Variants in FAT1 observed in about 807,000 individuals in gnomAD.
FAT1 encodes FAT atypical cadherin 1, also known as protocadherin Fat 1.
FAT1 carries 171 observed loss-of-function variants against 329.8 expected under a neutral mutation model. That is an observed-to-expected ratio of 0.52 (90% CI 0.46 to 0.59). FAT1 has a LOEUF of 0.59. Ranked by LOEUF, FAT1 falls within the 20% of genes least tolerant of loss-of-function variation. FAT1 has a pLI of 0.00. For missense variants in FAT1, 5,672 were observed against 5,774.4 expected, an observed-to-expected ratio of 0.98 and a Z score of 0.57; for synonymous variants, 2,233 against 2,228.6, an observed-to-expected ratio of 1.00 and a Z score of -0.06.
At chr4:186,630,423 G>A (rs1046251768) in intron 7 of FAT1, among the ~76,000 whole-genome samples, 1 of 152,172 alleles carries the variant, frequency 6.6e-6, no homozygotes, top group Non-Finnish European at 1.5e-5. Flanking sequence ...GGAGCAAGAA[G>A]AAGGCAGAGT....
At chr4:186,645,900 C>A (rs188292872) in intron 3 of FAT1, among the ~76,000 whole-genome samples, 1 of 135,716 alleles carries the variant, frequency 7.4e-6, no homozygotes, top group Non-Finnish European at 1.5e-5. Flanking sequence ...GAGCTGAGGG[C>A]GGACCACTGC....
chr4:186,681,291 T>G (rs552606712), intron 2 of FAT1, among the ~76,000 whole-genome samples: 1 of 152,208 alleles, frequency 6.6e-6, no homozygotes, highest in Non-Finnish European at 1.5e-5. Context: ...GTGGGAGATA[T>G]ATGGGTTATA....
At position 186,620,095 on chromosome 4, in the gene FAT1, A is replaced by G. The variant is rs1021861646; in HGVS notation, c.6491T>C (p.Phe2164Ser). Residue 2164 changes from phenylalanine to serine, a missense_variant, in exon 10 of 27, where the codon TTT becomes TCT. Around this residue, in one of 2 missense-constraint regions of FAT1, gnomAD observed 3,966 missense variants for 3,915.2 expected, o/e 1.01. Transcript: ENST00000441802. ...GATCGGAACGATAACTTCCGCTGAA[A>G]AGGCCGGGTTCCCTCCATCTTTTGC... is the stretch of plus-strand genomic sequence containing the variant. ...VVAKDGGNPA[F>S]SAEVIVPITV... 1.2e-6 allele frequency: 2 copies of G among 1,613,916 alleles called. No homozygotes were observed. The highest frequency in any genetic ancestry group is 3.3e-5 in the Admixed American group (2 of 60,002).
At chr4:186,609,430 T>C in intron 15 of FAT1, 110 bp from the exon 16 acceptor site, 1 of 1,306,834 alleles carries the variant, frequency 7.7e-7, no homozygotes, top group South Asian at 1.6e-5. Context: ...TGTTGTTTTT[T>C]TTTTGAGATG....
intron 2 of FAT1, among the ~76,000 whole-genome samples, chr4:186,699,808 T>TA (rs1200442450): frequency 2.0e-5 from 3 of 149,838 alleles, no homozygotes; most frequent in African/African-American, 7.4e-5. Context: ...ATCCAAAAAG[T>TA]AAAAACAATG....
intron 2 of FAT1, among the ~76,000 whole-genome samples, chr4:186,688,248 A>G (rs1457265124): frequency 2.0e-5 from 3 of 152,070 alleles, no homozygotes; most frequent in African/African-American, 4.8e-5. Flanking sequence ...AGGCACCCAC[A>G]GAGATATGGC....
chr4:186,670,951 T>G (rs1487178558), intron 2 of FAT1, among the ~76,000 whole-genome samples: 1 of 152,166 alleles, frequency 6.6e-6, no homozygotes, highest in Non-Finnish European at 1.5e-5. Context: ...ATTCTTTAAT[T>G]GTAACATCTT....
chr4:186,590,457 C>T (rs1321372903), intron 26 of FAT1: 3 of 1,206,846 alleles, frequency 2.5e-6, no homozygotes, highest in Non-Finnish European at 2.2e-6. Flanking sequence ...AAACAGTCGG[C>T]TGAAAAGGCA....
At chr4:186,616,011 C>G (rs925637698) in intron 11 of FAT1, among the ~76,000 whole-genome samples, 14 of 152,088 alleles carry the variant, frequency 9.2e-5, no homozygotes, top group African/African-American at 1.4e-4. Context: ...GGTCGCTCCC[C>G]CTACTCATGT....
At chr4:186,603,057 G>C in intron 19 of FAT1, 23 bp from the exon 20 acceptor site, 1 of 1,613,732 alleles carries the variant, frequency 6.2e-7, no homozygotes, top group South Asian at 1.1e-5. Context: ...AGGGGAGAAA[G>C]GGAAAAGATA....
intron 2 of FAT1, 34 bp from the exon 3 acceptor site, chr4:186,663,647 A>C: frequency 6.5e-7 from 1 of 1,530,128 alleles, no homozygotes; most frequent in Non-Finnish European, 8.8e-7. Context: ...AAAGCAGCAC[A>C]TCAACGACCA....
chr4:186,701,049 C>T (rs1228269332), intron 2 of FAT1, among the ~76,000 whole-genome samples: 1 of 152,188 alleles, frequency 6.6e-6, no homozygotes. Flanking sequence ...GAGTCACGGT[C>T]CCCCGAGTTC....
At chr4:186,696,501 C>T (rs980063340) in intron 2 of FAT1, among the ~76,000 whole-genome samples, 9 of 152,156 alleles carry the variant, frequency 5.9e-5, no homozygotes, top group African/African-American at 2.2e-4. Flanking sequence ...CCTGAGCAGG[C>T]AGCTACTCGG....
chr4:186,682,584 A>T (rs374726799), intron 2 of FAT1, among the ~76,000 whole-genome samples: 9 of 152,014 alleles, frequency 5.9e-5, no homozygotes, highest in African/African-American at 2.2e-4. Flanking sequence ...GTATGCATGA[A>T]GACAGACTTT....
intron 16 of FAT1, among the ~76,000 whole-genome samples, chr4:186,608,692 G>C (rs1230260497): frequency 6.6e-6 from 1 of 152,104 alleles, no homozygotes; most frequent in Non-Finnish European, 1.5e-5. Context: ...CTCTGGTCCT[G>C]GTTTTCTATG....
At chr4:186,671,758 CAT>C (rs1742742426) in intron 2 of FAT1, among the ~76,000 whole-genome samples, 2 of 151,998 alleles carry the variant, frequency 1.3e-5, no homozygotes, top group African/African-American at 4.8e-5. Context: ...AGTATTATCT[CAT>C]AAATCGAAAC....
chr4:186,706,471 G>C (rs1179866124), intron 2 of FAT1, 92 bp downstream of exon 2: 31 of 1,368,462 alleles, frequency 2.3e-5, no homozygotes, highest in Non-Finnish European at 3.0e-5. Context: ...AGAGCAACAG[G>C]GAATTTTGAA....
rs2126699778 is a variant in FAT1, at chr4:186,708,877, G to A, written c.951C>T (p.Val317=). 6.2e-7 allele frequency: 1 copy of A among 1,613,952 alleles called. No individual in the cohort carries two copies. The highest frequency in any genetic ancestry group is 8.5e-7 in the Non-Finnish European group (1 of 1,179,888). ...CCCAATCAATGCCACCGATGGCTTTGACTTTATACTCCTTACTCCCTGGAA... is the reference window on the plus strand; with the variant it reads ...CCCAATCAATGCCACCGATGGCTTTAACTTTATACTCCTTACTCCCTGGAA... ...RSFPGSKEYK[V]KAIGGIDWDS... is the part of the protein sequence containing the mutation. Residue 317 remains valine, a synonymous_variant, in exon 2 of 27, where the codon GTC becomes GTT. Transcript: ENST00000441802.
intron 3 of FAT1, among the ~76,000 whole-genome samples, chr4:186,662,042 C>T (rs1742201397): frequency 6.8e-6 from 1 of 147,030 alleles, no homozygotes; most frequent in Non-Finnish European, 1.5e-5. Context: ...CAAACACACA[C>T]TTGGTCCCAG....
Sources: gnomAD v4.1 joint callset for allele counts (sites outside exome capture counted in the v4.1 genomes callset) on GRCh38, gnomAD v4.1.1 for gene constraint, gnomAD v4.1.1 regional missense constraint, MANE v1.5 for transcripts, NCBI Gene and HGNC (gene_info 2026-07-23, HGNC 2026-07-21) for gene names.